TMEM116: variants seen among roughly 807,000 people sequenced by gnomAD.
TMEM116 encodes transmembrane protein 116.
Under a neutral mutation model 44.3 loss-of-function variants are expected in TMEM116, and 38 were observed. The observed-to-expected ratio is 0.86, with a 90% confidence interval of 0.66 to 1.12. The LOEUF is 1.12. Among genes scored for constraint, TMEM116 ranks in the 50% most tolerant of loss-of-function variants. The probability of loss-of-function intolerance (pLI) is 0.00; values close to 1 mark genes in which losing one functional copy is unlikely to be tolerated. For synonymous variants in TMEM116, 132 were observed against 144.8 expected (o/e 0.91, Z 0.64); for missense variants, 354 against 401.7 (o/e 0.88, Z 1.01).
chr12:112,004,888 G>T lies in TMEM116; in HGVS notation c.14+369C>A, dbSNP rs530676273. ...TGGTCTCAAACTCCTGAGCTCAAGC[G>T]ATCTGCCCACCTCAGCCTCCCAAAG... On this transcript the variant is annotated intron_variant, in intron 2 of 10. Coordinates refer to ENST00000552374, the MANE Select transcript of TMEM116 (RefSeq NM_001193531.2). Among the ~76,000 whole-genome samples, 79 of 152,196 alleles carry T rather than the reference G, an allele frequency of 5.2e-4. No homozygotes were observed. In the Middle Eastern group the frequency reaches 0.031, roughly 59 times the overall value.
rs7398434 is a variant in TMEM116 at position 111,986,415 on chromosome 12, C to T, written c.210+5343G>A. Among the ~76,000 whole-genome samples the T allele has an allele frequency of 0.056, 8,443 of 151,982 alleles. 1,301 individuals carry two copies. In the East Asian group the frequency reaches 0.61, roughly 11 times the overall value. On this transcript the variant is annotated intron_variant, in intron 4 of 10. Transcript: ENST00000552374. Reference sequence around the variant, plus strand: ...TCACACTTTCCAGTTTCATATAGACCGAATGGATCAGAATTAAAAGCCCAG... The same window carrying T: ...TCACACTTTCCAGTTTCATATAGACTGAATGGATCAGAATTAAAAGCCCAG...
chr12:112,003,415 A>G (rs1270103334), intron 3 of TMEM116, among the ~76,000 whole-genome samples: 1 of 152,134 alleles, frequency 6.6e-6, no homozygotes, highest in Admixed American at 6.5e-5. Flanking sequence ...AAAAATACAA[A>G]AAATTAGCCG....
chr12:111,943,851 C>CT (rs1277413804), intron 4 of TMEM116, among the ~76,000 whole-genome samples: 2 of 152,104 alleles, frequency 1.3e-5, no homozygotes. Context: ...GTCTGAAACT[C>CT]TAACAGGCCT....
chr12:112,011,572 C>T (rs1458928053), intron 1 of TMEM116: 1 of 152,276 alleles, frequency 6.6e-6, no homozygotes, highest in East Asian at 1.9e-4. Flanking sequence ...TCAATTCCAT[C>T]CATACTTCTT....
At chr12:111,963,623 A>G (rs1730025039) in intron 4 of TMEM116, among the ~76,000 whole-genome samples, 1 of 152,172 alleles carries the variant, frequency 6.6e-6, no homozygotes, top group Non-Finnish European at 1.5e-5. Context: ...CAATGAGAAC[A>G]CATGGACACA....
chr12:111,934,441 C>A (rs1308160833), intron 8 of TMEM116: 2 of 155,154 alleles, frequency 1.3e-5, no homozygotes, highest in Admixed American at 6.4e-5. Context: ...AGCTTAAATT[C>A]TCAACTCTAA....
chr12:111,937,202 C>T lies in TMEM116; in HGVS notation c.407G>A (p.Gly136Glu), dbSNP rs1421397447. 1.2e-6 allele frequency: 2 copies of T among 1,613,848 alleles called. No homozygotes were observed. Among genetic ancestry groups the T allele is most frequent in the Non-Finnish European group, 1.7e-6 (2 of 1,179,882 alleles). Residue 136 changes from glycine (G) to glutamate (E), a missense_variant, in exon 7 of 11, where the codon GGA (glycine) becomes GAA (glutamate). Transcript: ENST00000552374. Reference sequence around the variant, plus strand: ...GTTTTGGAAACATTCACTAGTATTTCCCAGACAGAATACAGGTGTCATCAA... The same window carrying T: ...GTTTTGGAAACATTCACTAGTATTTTCCAGACAGAATACAGGTGTCATCAA... ...LLLMTPVFCL[G>E]NTSECFQNFS...
At chr12:111,987,396 T>G (rs1263197063) in intron 4 of TMEM116, among the ~76,000 whole-genome samples, 1 of 151,364 alleles carries the variant, frequency 6.6e-6, no homozygotes, top group African/African-American at 2.4e-5. Flanking sequence ...TCCCAACTAC[T>G]CAGGAGTCTG....
chr12:111,933,823 T>G, intron 9 of TMEM116, 63 bp downstream of exon 9: 1 of 1,593,540 alleles, frequency 6.3e-7, no homozygotes, highest in Non-Finnish European at 8.6e-7. Context: ...TGAGACCACT[T>G]TGCTTGATCA....
At chr12:111,969,166 T>C (rs1331557878) in intron 4 of TMEM116, among the ~76,000 whole-genome samples, 1 of 150,848 alleles carries the variant, frequency 6.6e-6, no homozygotes, top group Non-Finnish European at 1.5e-5. Context: ...ACTAAAAATA[T>C]AAAATTAGCC....
chr12:111,997,931 C>T (rs1299546054), intron 3 of TMEM116, among the ~76,000 whole-genome samples: 1 of 152,146 alleles, frequency 6.6e-6, no homozygotes, highest in Non-Finnish European at 1.5e-5. Context: ...GTCATAGATT[C>T]TACTGGCTTA....
chr12:111,970,284 C>CA lies in TMEM116; in HGVS notation c.210+21473dup, dbSNP rs751491194. ...GGGTGACAGAGCATGACTCCATCTC[C>CA]AAAAAAAAAAAAAGAAAGAAAAGAA... On this transcript the variant is annotated intron_variant, in intron 4 of 10. Coordinates refer to ENST00000552374, the MANE Select transcript of TMEM116 (RefSeq NM_001193531.2). Among the ~76,000 whole-genome samples, 277 of 114,300 alleles carry CA rather than the reference C, an allele frequency of 2.4e-3. 2 individuals are homozygous for CA. The highest frequency in any genetic ancestry group is 2.3e-3 in the African/African-American group (71 of 30,418). 75.0% of individuals were successfully genotyped at this position (114,300 alleles called of 152,430 possible).
At position 111,933,965 on chromosome 12, in the gene TMEM116, A is replaced by T; in HGVS notation, c.654T>A (p.Ser218Arg). Residue 218 changes from serine (S) to arginine (R), a missense_variant, in exon 9 of 11, where the codon AGT (serine) becomes AGA (arginine). Physicochemically the swap from Ser to Arg is moderately radical, Grantham distance 110. Transcript: ENST00000552374. ...KFVKSTGFLG[S>R]EQWAVIHIVD... The stretch of plus-strand genomic sequence containing the variant: ...CAATGTGAATCACTGCCCACTGTTC[A>T]CTCCCCAGAAAGCCAGTTGACTTCA... 1.9e-6 allele frequency: 3 copies of T among 1,613,906 alleles called. No individual in the cohort carries two copies. Among genetic ancestry groups the T allele is most frequent in the Non-Finnish European group, 2.5e-6 (3 of 1,179,992 alleles).
At chr12:111,986,742 G>A (rs1048640537) in intron 4 of TMEM116, among the ~76,000 whole-genome samples, 2 of 152,106 alleles carry the variant, frequency 1.3e-5, no homozygotes, top group Non-Finnish European at 2.9e-5. Flanking sequence ...CCAGAAGGTC[G>A]AGGCTACAGT....
At chr12:111,987,509 CAAA>C (rs35466717) in intron 4 of TMEM116, among the ~76,000 whole-genome samples, 6 of 91,596 alleles carry the variant, frequency 6.6e-5, no homozygotes, top group Non-Finnish European at 7.5e-5. Flanking sequence ...TGTCCCCCCT[CAAA>C]AAAAAAAAAA....
At position 112,006,350 on chromosome 12, in the gene TMEM116, G is replaced by A. The variant is rs188015542; in HGVS notation, c.-33-1047C>T. 1.1e-3 allele frequency among the ~76,000 whole-genome samples: 168 copies of A among 152,172 alleles called. 1 individual carries two copies. The highest frequency in any genetic ancestry group is 2.3e-3 in the Non-Finnish European group (155 of 68,006). ...ATAAATAGAGCTGCAATAGAGAAATGGAACTAAAAAAAGGGGTGGGCGGAG... is the reference window on the plus strand; with the variant it reads ...ATAAATAGAGCTGCAATAGAGAAATAGAACTAAAAAAAGGGGTGGGCGGAG... On this transcript the variant is annotated intron_variant, in intron 1 of 10. Transcript: ENST00000552374.
intron 3 of TMEM116, chr12:111,993,938 T>C: frequency 1.5e-6 from 1 of 664,312 alleles, no homozygotes; most frequent in South Asian, 1.4e-5. Flanking sequence ...TGTATCATTA[T>C]GACTGGTACT....
intron 1 of TMEM116, among the ~76,000 whole-genome samples, chr12:112,009,718 C>G (rs974257099): frequency 7.3e-5 from 11 of 151,052 alleles, no homozygotes; most frequent in Admixed American, 7.3e-4. Flanking sequence ...TGGTGGCAGA[C>G]GTCTGTAATC....
intron 4 of TMEM116, among the ~76,000 whole-genome samples, chr12:111,970,865 T>G (rs1452361708): frequency 6.6e-6 from 1 of 152,162 alleles, no homozygotes; most frequent in Admixed American, 6.5e-5. Context: ...GTGCTGGGAT[T>G]ACAGGCGTGA....
Sources: gnomAD v4.1 joint callset for allele counts (sites outside exome capture counted in the v4.1 genomes callset) on GRCh38, gnomAD v4.1.1 for gene constraint, MANE v1.5 for transcripts, NCBI Gene and HGNC (gene_info 2026-07-23, HGNC 2026-07-21) for gene names.